NELL1: variants seen among roughly 807,000 people sequenced by gnomAD.
NELL1 encodes neural EGFL like 1, also known as protein kinase C-binding protein NELL1.
In NELL1, 76 loss-of-function variants were observed where a neutral mutation model predicts 107.4. The ratio of observed to expected loss-of-function variants is 0.71; its 90% CI spans 0.59 to 0.86. The LOEUF is 0.86. NELL1 is among the 40% of genes least tolerant of loss of function. The probability of loss-of-function intolerance (pLI) is 0.00; values close to 1 mark genes in which losing one functional copy is unlikely to be tolerated. For synonymous variants in NELL1, 353 were observed against 341.2 expected, an observed-to-expected ratio of 1.03 and a Z score of -0.38; for missense variants, 1,024 against 1,005.5, an observed-to-expected ratio of 1.02 and a Z score of -0.25.
intron 14 of NELL1, among the ~76,000 whole-genome samples, chr11:21,316,834 G>C (rs1197338095): frequency 6.6e-6 from 1 of 152,100 alleles, no homozygotes; most frequent in Admixed American, 6.6e-5. Flanking sequence ...CTTCCTCCTG[G>C]AGGTAGAGCT....
intron 4 of NELL1, among the ~76,000 whole-genome samples, chr11:20,872,572 G>C (rs1326721973): frequency 6.6e-6 from 1 of 152,056 alleles, no homozygotes; most frequent in East Asian, 1.9e-4. Context: ...TAAAGTTTGG[G>C]AATTGCCAAG....
chr11:20,878,184 A>C (rs11025797), intron 4 of NELL1, among the ~76,000 whole-genome samples: 89,035 of 150,916 alleles, frequency 0.59, 29,051 homozygotes, highest in Non-Finnish European at 0.74. Flanking sequence ...CACGGTGAAA[A>C]CCCATCTCTA....
intron 3 of NELL1, among the ~76,000 whole-genome samples, chr11:20,835,178 C>T (rs548864980): frequency 6.6e-6 from 1 of 152,304 alleles, no homozygotes; most frequent in South Asian, 2.1e-4. Context: ...CTTTTTGAAA[C>T]GTTCTCACAT....
intron 13 of NELL1, among the ~76,000 whole-genome samples, chr11:21,119,744 GT>G (rs1855321399): frequency 6.6e-6 from 1 of 152,054 alleles, no homozygotes. Context: ...AAATGGAGGT[GT>G]TACAGGGAGG....
At position 20,847,593 on chromosome 11, in the gene NELL1, C is replaced by A. The variant is rs905026782; in HGVS notation, c.346C>A (p.Leu116Met). The change falls in exon 4 of 20, where the codon CTG (leucine) becomes ATG (methionine). Residue 116 changes from leucine (L) to methionine (M), a missense_variant. Physicochemically the swap from Leu to Met is conservative, Grantham distance 15. Coordinates refer to ENST00000357134, the MANE Select transcript of NELL1 (RefSeq NM_006157.5). ...IRELEHSYFE[L>M]ESSGLRDEIR... ...TTCCTTTACATACAGCTATTTTGAA[C>A]TGGAGAGCAGTGGCCTGAGGGATGA... The A allele has an allele frequency of 7.4e-6, 12 of 1,611,832 alleles. No homozygotes were observed. Among genetic ancestry groups the A allele is most frequent in the Non-Finnish European group, 1.0e-5 (12 of 1,179,250 alleles).
At chr11:20,888,648 T>C (rs1436115717) in intron 5 of NELL1, among the ~76,000 whole-genome samples, 3 of 152,098 alleles carry the variant, frequency 2.0e-5, no homozygotes, top group African/African-American at 7.2e-5. Flanking sequence ...TGATTTCACA[T>C]AGAAATCATA....
chr11:21,526,950 G>C (rs191448291), intron 15 of NELL1, among the ~76,000 whole-genome samples: 1 of 152,292 alleles, frequency 6.6e-6, no homozygotes. Context: ...ATTAGCATTT[G>C]GCTCATTACT....
intron 15 of NELL1, among the ~76,000 whole-genome samples, chr11:21,398,819 C>A (rs1029840879): frequency 6.6e-6 from 1 of 151,662 alleles, no homozygotes; most frequent in Admixed American, 6.6e-5. Context: ...ATTTCTATTC[C>A]ATTCCTGCCT....
chr11:20,983,231 GTCACTC>G (rs1205148355), intron 12 of NELL1, among the ~76,000 whole-genome samples: 5 of 152,098 alleles, frequency 3.3e-5, no homozygotes, highest in Non-Finnish European at 5.9e-5. Flanking sequence ...ATTGTGATAT[GTCACTC>G]TGGAATTTGT....
At chr11:21,241,362 T>G (rs1184873066) in intron 14 of NELL1, among the ~76,000 whole-genome samples, 1 of 152,142 alleles carries the variant, frequency 6.6e-6, no homozygotes. Flanking sequence ...GCAGAGTATT[T>G]GCCTTAAATA....
At chr11:21,332,399 T>G (rs574299515) in intron 14 of NELL1, among the ~76,000 whole-genome samples, 1 of 152,096 alleles carries the variant, frequency 6.6e-6, no homozygotes, top group African/African-American at 2.4e-5. Context: ...TTAGAGTTGC[T>G]TATCCTATGC....
At chr11:20,984,570 A>G (rs144821378) in intron 12 of NELL1, among the ~76,000 whole-genome samples, 42 of 152,240 alleles carry the variant, frequency 2.8e-4, no homozygotes, top group African/African-American at 9.9e-4. Context: ...AGAATAGGTT[A>G]TGTTTCACAA....
intron 2 of NELL1, among the ~76,000 whole-genome samples, chr11:20,746,680 A>G (rs1282226128): frequency 6.6e-6 from 1 of 152,088 alleles, no homozygotes; most frequent in East Asian, 1.9e-4. Context: ...AGGACATTGA[A>G]GGTGAAATCT....
chr11:20,867,167 A>G (rs1214303128), intron 4 of NELL1, among the ~76,000 whole-genome samples: 1 of 152,184 alleles, frequency 6.6e-6, no homozygotes, highest in Admixed American at 6.5e-5. Flanking sequence ...GGGAGACTTG[A>G]CTTCCAGTGG....
chr11:20,839,036 C>T (rs1848579209), intron 3 of NELL1, among the ~76,000 whole-genome samples: 1 of 138,850 alleles, frequency 7.2e-6, no homozygotes, highest in Non-Finnish European at 1.6e-5. Flanking sequence ...GATTCCTCTC[C>T]CCTTGTCCTG....
chr11:20,886,491 C>T (rs568663947), intron 5 of NELL1, among the ~76,000 whole-genome samples: 72 of 152,068 alleles, frequency 4.7e-4, no homozygotes, highest in Non-Finnish European at 8.1e-4. Context: ...CAGCATTGTA[C>T]TTATACGAAA....
chr11:20,946,738 T>G (rs2134197621), intron 10 of NELL1, among the ~76,000 whole-genome samples: 1 of 152,300 alleles, frequency 6.6e-6, no homozygotes, highest in Non-Finnish European at 1.5e-5. Flanking sequence ...TATAATACTT[T>G]TATTAGAGCC....
intron 14 of NELL1, among the ~76,000 whole-genome samples, chr11:21,365,794 T>G (rs888027382): frequency 1.3e-5 from 2 of 151,392 alleles, no homozygotes; most frequent in African/African-American, 4.9e-5. Context: ...CCTCGATATT[T>G]TAAACTATTT....
intron 14 of NELL1, among the ~76,000 whole-genome samples, chr11:21,270,891 T>C (rs1044097716): frequency 5.3e-5 from 8 of 152,078 alleles, no homozygotes; most frequent in Non-Finnish European, 8.8e-5. Context: ...TCCAAAATTA[T>C]TGGGGATTAA....
Sources: allele counts gnomAD v4.1 joint callset (sites outside exome capture counted in the v4.1 genomes callset), GRCh38; gene constraint gnomAD v4.1.1; transcripts MANE v1.5; gene names NCBI Gene and HGNC (gene_info 2026-07-23, HGNC 2026-07-21).